The following CDH18 variants were observed in gnomAD, a reference collection of about 807,000 sequenced individuals.
CDH18 encodes cadherin-18.
CDH18 carries 31 observed loss-of-function variants against 67.9 expected under a neutral mutation model. The observed-to-expected ratio is 0.46, with a 90% CI of 0.34 to 0.62. CDH18 has a LOEUF of 0.62. Ranked by LOEUF, CDH18 falls within the 20% of genes least tolerant of loss-of-function variation. The probability of loss-of-function intolerance (pLI) is 0.01; values close to 1 mark genes in which losing one functional copy is unlikely to be tolerated. For missense variants in CDH18, 890 were observed against 975.5 expected, an observed-to-expected ratio of 0.91 and a Z score of 1.17; for synonymous variants, 362 against 347.2, an observed-to-expected ratio of 1.04 and a Z score of -0.48.
chr5:20,538,913 T>TTG (rs932572815), intron 1 of CDH18, among the ~76,000 whole-genome samples: 1 of 142,356 alleles, frequency 7.0e-6, no homozygotes, highest in African/African-American at 2.5e-5. Context: ...TTTTTTGTTT[T>TTG]TTTTTTTTTT....
At chr5:19,590,986 G>T in intron 7 of CDH18, 71 bp downstream of exon 7, 1 of 874,576 alleles carries the variant, frequency 1.1e-6, no homozygotes. Context: ...GATTATTCAT[G>T]CCTCTGCCAA....
chr5:20,025,878 T>C (rs528313456), intron 2 of CDH18, among the ~76,000 whole-genome samples: 13 of 152,374 alleles, frequency 8.5e-5, no homozygotes, highest in Non-Finnish European at 1.9e-4. Context: ...CTTTTGCCAT[T>C]ACTACCCATT....
At chr5:20,536,483 T>G (rs1162731809) in intron 1 of CDH18, among the ~76,000 whole-genome samples, 1 of 152,174 alleles carries the variant, frequency 6.6e-6, no homozygotes, top group Non-Finnish European at 1.5e-5. Context: ...CACAGTATTT[T>G]GACAAGAATA....
chr5:20,178,774 A>T (rs1265403314), intron 2 of CDH18, among the ~76,000 whole-genome samples: 1 of 152,136 alleles, frequency 6.6e-6, no homozygotes, highest in Admixed American at 6.5e-5. Context: ...CAAAATAACC[A>T]GAGGGTGGGG....
chr5:19,946,269 G>A (rs572490371), intron 2 of CDH18, among the ~76,000 whole-genome samples: 116 of 152,136 alleles, frequency 7.6e-4, no homozygotes, highest in South Asian at 4.2e-3. Context: ...ACATCCTTCC[G>A]GAAGGAAGGG....
rs1736872563 is a variant in CDH18, at chr5:20,172,233, T to TATGTATATATATATATACGTAA, written c.-518+83210_-518+83211insTTACGTATATATATATATACAT. Among the ~76,000 whole-genome samples, 2 of 127,220 alleles carry TATGTATATATATATATACGTAA rather than the reference T, an allele frequency of 1.6e-5. 1 individual carries two copies. The highest frequency in any genetic ancestry group is 3.2e-5 in the Non-Finnish European group (2 of 62,028). The allele number at this position is 127,220 out of a possible 152,430, so 83.5% of individuals were successfully genotyped here. A position where few individuals can be genotyped will look rare whatever the true frequency, so the allele number is the denominator to read the frequency against. Reference sequence around the variant, plus strand: ...ATATATATATATATATGTATATATATATATATGTATATATATATATATATC... The same window carrying TATGTATATATATATATACGTAA: ...ATATATATATATATATGTATATATATATGTATATATATATATACGTAAATATATGTATATATATATATATATC... On this transcript the variant is annotated intron_variant, in intron 2 of 14. Coordinates refer to the CDH18 transcript ENST00000507958.
At chr5:19,917,059 A>T (rs1452371752) in intron 2 of CDH18, among the ~76,000 whole-genome samples, 1 of 152,130 alleles carries the variant, frequency 6.6e-6, no homozygotes, top group East Asian at 1.9e-4. Flanking sequence ...GCATGTTTGA[A>T]CTCAACATAC....
intron 5 of CDH18, among the ~76,000 whole-genome samples, chr5:19,678,006 GA>G (rs1759738498): frequency 6.6e-6 from 1 of 151,760 alleles, no homozygotes; most frequent in Non-Finnish European, 1.5e-5. Context: ...AGTTCTTAGA[GA>G]CCTACAAAGA....
At chr5:19,682,114 T>C (rs929000883) in intron 5 of CDH18, among the ~76,000 whole-genome samples, 2 of 152,168 alleles carry the variant, frequency 1.3e-5, no homozygotes, top group African/African-American at 4.8e-5. Flanking sequence ...TTTAAGCCTT[T>C]ATTTATACTT....
chr5:20,430,972 T>C (rs898816368), intron 1 of CDH18, among the ~76,000 whole-genome samples: 9 of 152,142 alleles, frequency 5.9e-5, no homozygotes, highest in African/African-American at 2.2e-4. Flanking sequence ...TGCATCTATT[T>C]CTCCTAATAT....
chr5:19,777,463 G>T (rs1774529275), intron 3 of CDH18, among the ~76,000 whole-genome samples: 1 of 152,150 alleles, frequency 6.6e-6, no homozygotes, highest in Non-Finnish European at 1.5e-5. Context: ...TGTTATGCCA[G>T]TAAAGCAAAC....
rs1005238838 is a variant in CDH18, at chr5:20,378,349, T to G, written c.-579-122844A>C. On this transcript the variant is annotated intron_variant, in intron 1 of 14. Coordinates refer to the CDH18 transcript ENST00000507958. ...ACCACGCCCAGCTAATTTTTGGTAT[T>G]TTTAGTAGAGACGGGGTTTCACCGT... 6.6e-5 allele frequency among the ~76,000 whole-genome samples: 10 copies of G among 152,124 alleles called. No individual in the cohort carries two copies. The South Asian group carries it at 1.9e-3, about 28-fold the overall frequency.
At chr5:19,860,460 T>C (rs1784776499) in intron 2 of CDH18, among the ~76,000 whole-genome samples, 3 of 151,622 alleles carry the variant, frequency 2.0e-5, no homozygotes, top group Admixed American at 2.0e-4. Context: ...TTATGGCACT[T>C]TTTGGGAATT....
intron 2 of CDH18, among the ~76,000 whole-genome samples, chr5:20,214,678 TA>T (rs199794952): frequency 0.023 from 3,491 of 151,950 alleles, 123 homozygotes; most frequent in African/African-American, 0.079. Context: ...TTAAACCATA[TA>T]AAAAATCAAC....
intron 5 of CDH18, among the ~76,000 whole-genome samples, chr5:19,662,375 A>G (rs1757300023): frequency 6.6e-6 from 1 of 151,980 alleles, no homozygotes; most frequent in Non-Finnish European, 1.5e-5. Flanking sequence ...AACAAGAAAA[A>G]TTGGGTCATC....
At chr5:20,007,398 A>G (rs1480396951) in intron 2 of CDH18, among the ~76,000 whole-genome samples, 1 of 151,756 alleles carries the variant, frequency 6.6e-6, no homozygotes, top group Non-Finnish European at 1.5e-5. Context: ...ACAAAAATAC[A>G]GTGCTGAGTT....
intron 3 of CDH18, among the ~76,000 whole-genome samples, chr5:19,782,468 C>A (rs1200403006): frequency 1.3e-5 from 2 of 151,986 alleles, no homozygotes; most frequent in Non-Finnish European, 2.9e-5. Flanking sequence ...AGGAGTAAGG[C>A]AAAAGGGATT....
At chr5:19,699,165 C>G (rs141322940) in intron 5 of CDH18, among the ~76,000 whole-genome samples, 1 of 152,114 alleles carries the variant, frequency 6.6e-6, no homozygotes, top group Admixed American at 6.5e-5. Context: ...AATACACATA[C>G]AAGCACAGGC....
intron 3 of CDH18, among the ~76,000 whole-genome samples, chr5:19,787,097 C>A (rs529753301): frequency 6.6e-6 from 1 of 152,286 alleles, no homozygotes; most frequent in South Asian, 2.1e-4. Context: ...GAAGAAGAAT[C>A]TTTGTGGAGA....
Sources: gnomAD v4.1 joint callset for allele counts (sites outside exome capture counted in the v4.1 genomes callset) on GRCh38, gnomAD v4.1.1 for gene constraint, MANE v1.5 for transcripts, NCBI Gene and HGNC (gene_info 2026-07-23, HGNC 2026-07-21) for gene names.